SUGCT: variants seen among roughly 807,000 people sequenced by gnomAD.
SUGCT encodes the protein succinyl-CoA:glutarate CoA-transferase.
A neutral mutation model predicts 55.0 loss-of-function variants in SUGCT; 41 were observed. The observed-to-expected ratio is 0.74, with a 90% CI of 0.58 to 0.97. The LOEUF (loss-of-function observed/expected upper bound fraction) is 0.97. Ranked by LOEUF, SUGCT falls within the 50% of genes least tolerant of loss-of-function variation. SUGCT has a pLI of 0.00. For synonymous variants in SUGCT, 187 were observed against 200.4 expected, an observed-to-expected ratio of 0.93 and a Z score of 0.56; for missense variants, 568 against 547.8, an observed-to-expected ratio of 1.04 and a Z score of -0.37.
chr7:40,242,158 A>G (rs1420465476), intron 7 of SUGCT, among the ~76,000 whole-genome samples: 1 of 151,200 alleles, frequency 6.6e-6, no homozygotes, highest in Non-Finnish European at 1.5e-5. Flanking sequence ...TGTTTTGACA[A>G]ACTCTTTTTT....
chr7:40,967,557 T>C, the SUGCT span, among the ~76,000 whole-genome samples: 2 of 152,134 alleles, frequency 1.3e-5, no homozygotes, highest in Non-Finnish European at 2.9e-5. Context: ...TTGTATAAAT[T>C]CTGGCTACAT....
chr7:40,758,441 A>G (rs1169204690), intron 13 of SUGCT, among the ~76,000 whole-genome samples: 1 of 152,178 alleles, frequency 6.6e-6, no homozygotes, highest in African/African-American at 2.4e-5. Context: ...TTATGATAAT[A>G]TTAAAAAGAT....
intron 12 of SUGCT, among the ~76,000 whole-genome samples, chr7:40,503,194 AG>A (rs1274891790): frequency 6.6e-6 from 1 of 152,168 alleles, no homozygotes; most frequent in Non-Finnish European, 1.5e-5. Flanking sequence ...GAGACATAAA[AG>A]GTTTGAATAT....
At chr7:40,198,992 CA>C (rs548029146) in intron 6 of SUGCT, among the ~76,000 whole-genome samples, 260 of 129,912 alleles carry the variant, frequency 2.0e-3, no homozygotes, top group African/African-American at 2.6e-3. Context: ...GACTCCACCT[CA>C]AAAAAAAAAA....
the SUGCT span, among the ~76,000 whole-genome samples, chr7:41,027,431 T>C: frequency 6.6e-6 from 1 of 152,178 alleles, no homozygotes; most frequent in Non-Finnish European, 1.5e-5. Context: ...AATCCCTCAA[T>C]GACACTGACT....
intron 12 of SUGCT, among the ~76,000 whole-genome samples, chr7:40,658,133 C>T (rs930371870): frequency 5.3e-5 from 8 of 152,128 alleles, no homozygotes; most frequent in East Asian, 1.9e-4. Context: ...ATCAAGTCTT[C>T]GATTAAGCCA....
At chr7:41,004,438 A>C in the SUGCT span, among the ~76,000 whole-genome samples, 1 of 152,250 alleles carries the variant, frequency 6.6e-6, no homozygotes, top group Non-Finnish European at 1.5e-5. Context: ...GGTGGGCAGA[A>C]GAAATAATTT....
At chr7:40,930,529 G>T in the SUGCT span, among the ~76,000 whole-genome samples, 1 of 152,154 alleles carries the variant, frequency 6.6e-6, no homozygotes, top group Non-Finnish European at 1.5e-5. Flanking sequence ...CCATTTCCAT[G>T]ATATTGATTC....
At chr7:40,364,906 AT>A (rs577336284) in intron 9 of SUGCT, among the ~76,000 whole-genome samples, 557 of 152,304 alleles carry the variant, frequency 3.7e-3, no homozygotes, top group Non-Finnish European at 5.6e-3. Flanking sequence ...TCCCTAATTC[AT>A]TTTATGAGGC....
the SUGCT span, among the ~76,000 whole-genome samples, chr7:40,898,404 A>G: frequency 1.4e-5 from 2 of 145,048 alleles, no homozygotes; most frequent in Non-Finnish European, 3.0e-5. Flanking sequence ...GAAACTCCGG[A>G]CACATCATCT....
chr7:40,818,316 T>C (rs1288355205), intron 13 of SUGCT, among the ~76,000 whole-genome samples: 3 of 152,228 alleles, frequency 2.0e-5, no homozygotes, highest in African/African-American at 7.2e-5. Context: ...GAGAATCTGA[T>C]TGGCCTAGTT....
intron 9 of SUGCT, among the ~76,000 whole-genome samples, chr7:40,397,353 C>T (rs1562746365): frequency 6.6e-6 from 1 of 152,152 alleles, no homozygotes; most frequent in East Asian, 1.9e-4. Context: ...CTGATCCTGC[C>T]AACTGGATGT....
chr7:40,221,168 C>G (rs1787997305), intron 6 of SUGCT, among the ~76,000 whole-genome samples: 1 of 151,996 alleles, frequency 6.6e-6, no homozygotes, highest in African/African-American at 2.4e-5. Context: ...AATCCCAGCA[C>G]TTTGGGAGGC....
the SUGCT span, among the ~76,000 whole-genome samples, chr7:40,878,987 T>C: frequency 5.9e-5 from 9 of 151,878 alleles, no homozygotes; most frequent in Non-Finnish European, 1.2e-4. Context: ...AGAGACAGGG[T>C]TTCACCATGT....
At chr7:40,992,044 A>G in the SUGCT span, among the ~76,000 whole-genome samples, 4 of 152,156 alleles carry the variant, frequency 2.6e-5, no homozygotes, top group Admixed American at 2.6e-4. Context: ...AAGTTTATTA[A>G]GCAAGTAAAG....
chr7:40,189,183 A>C (rs897494195), intron 4 of SUGCT, among the ~76,000 whole-genome samples: 4 of 152,084 alleles, frequency 2.6e-5, no homozygotes, highest in African/African-American at 9.7e-5. Context: ...CTCTACTAAA[A>C]ATACAAACAT....
At chr7:40,859,439 G>T (rs1794372040) in intron 13 of SUGCT, among the ~76,000 whole-genome samples, 1 of 152,192 alleles carries the variant, frequency 6.6e-6, no homozygotes, top group Non-Finnish European at 1.5e-5. Context: ...GAAGAATGGG[G>T]ATAGTAAAAT....
Position 40,626,582 on chromosome 7 carries a change from T to G in SUGCT, c.1090-122852T>G, listed in dbSNP as rs997203996. Among the ~76,000 whole-genome samples the G allele has an allele frequency of 3.9e-5, 6 of 152,250 alleles. No homozygotes were observed. The South Asian group carries it at 1.2e-3, about 32-fold the overall frequency. ...AGACTTTCATAGAATTTTAGGAGTA[T>G]AGCTATTTTCAGCTTTCTCCTGGGA... On this transcript the variant is annotated intron_variant, in intron 12 of 13. Transcript: ENST00000335693.
intron 12 of SUGCT, among the ~76,000 whole-genome samples, chr7:40,697,400 T>G (rs1378668598): frequency 6.6e-6 from 1 of 152,058 alleles, no homozygotes; most frequent in Non-Finnish European, 1.5e-5. Context: ...TTTGGGAGGC[T>G]GAAGTGGGTG....
Sources: gnomAD v4.1 joint callset for allele counts (sites outside exome capture counted in the v4.1 genomes callset) on GRCh38, gnomAD v4.1.1 for gene constraint, MANE v1.5 for transcripts, NCBI Gene and HGNC (gene_info 2026-07-23, HGNC 2026-07-21) for gene names.